The following B3GALT1 variants were observed in gnomAD, a reference collection of about 807,000 sequenced individuals.
B3GALT1 encodes beta-1,3-galactosyltransferase 1, also known as UDP-Gal:betaGlcNAc beta 1,3-galactosyltransferase, polypeptide 1.
In B3GALT1, 10 loss-of-function variants were observed where a neutral mutation model predicts 23.2. The ratio of observed to expected loss-of-function variants is 0.43; its 90% CI spans 0.27 to 0.73. The LOEUF (loss-of-function observed/expected upper bound fraction) is 0.73. Among genes scored for constraint, B3GALT1 ranks in the 30% least tolerant of loss-of-function variants. B3GALT1 has a pLI of 0.21. For missense variants in B3GALT1, 299 were observed against 405.4 expected (o/e 0.74, Z 2.25); for synonymous variants, 156 against 141.5 (o/e 1.10, Z -0.73).
chr2:167,747,115 T>A (rs948888918), intron 3 of B3GALT1, among the ~76,000 whole-genome samples: 6 of 152,186 alleles, frequency 3.9e-5, no homozygotes, highest in African/African-American at 1.4e-4. Context: ...CTTTTGCCAC[T>A]GTCAGTGTTT....
intron 2 of B3GALT1, among the ~76,000 whole-genome samples, chr2:167,543,626 AG>A (rs1333418821): frequency 3.9e-5 from 6 of 152,258 alleles, no homozygotes; most frequent in African/African-American, 1.4e-4. Flanking sequence ...TTTACATTAT[AG>A]AATAGTATGT....
chr2:167,661,597 C>A (rs529737060), intron 3 of B3GALT1, among the ~76,000 whole-genome samples: 1 of 152,072 alleles, frequency 6.6e-6, no homozygotes, highest in South Asian at 2.1e-4. Context: ...CCAGAAGCAC[C>A]CATCTCCACA....
At chr2:167,840,009 A>G in intron 4 of B3GALT1, among the ~76,000 whole-genome samples, 1 of 152,146 alleles carries the variant, frequency 6.6e-6, no homozygotes, top group East Asian at 1.9e-4. Flanking sequence ...CCTTCCTTAC[A>G]CCTTATACAA....
chr2:167,348,763 T>A (rs1339134453), intron 1 of B3GALT1, among the ~76,000 whole-genome samples: 1 of 152,198 alleles, frequency 6.6e-6, no homozygotes, highest in Non-Finnish European at 1.5e-5. Flanking sequence ...TCTCCCAGAT[T>A]ACCTCAGTTA....
chr2:167,401,905 T>A (rs750908924), intron 1 of B3GALT1, among the ~76,000 whole-genome samples: 4 of 152,196 alleles, frequency 2.6e-5, no homozygotes, highest in Non-Finnish European at 4.4e-5. Flanking sequence ...GAAGATTATT[T>A]AGGCTTGAAT....
At chr2:167,793,839 C>A (rs1688491586) in intron 3 of B3GALT1, among the ~76,000 whole-genome samples, 1 of 152,192 alleles carries the variant, frequency 6.6e-6, no homozygotes, top group Non-Finnish European at 1.5e-5. Flanking sequence ...AGGCCATAGA[C>A]TGTGTCTCTC....
intron 1 of B3GALT1, among the ~76,000 whole-genome samples, chr2:167,477,064 T>A (rs567185117): frequency 6.6e-6 from 1 of 152,326 alleles, no homozygotes; most frequent in Admixed American, 6.5e-5. Flanking sequence ...TCCTAATGCG[T>A]AACTCAAAAT....
intron 1 of B3GALT1, among the ~76,000 whole-genome samples, chr2:167,424,091 C>T (rs577772948): frequency 2.6e-5 from 4 of 152,154 alleles, no homozygotes; most frequent in Non-Finnish European, 4.4e-5. Context: ...GCAGATTCAA[C>T]GTCTCTAATC....
intron 1 of B3GALT1, among the ~76,000 whole-genome samples, chr2:167,346,775 T>C (rs376717064): frequency 5.9e-5 from 9 of 151,492 alleles, no homozygotes; most frequent in African/African-American, 1.9e-4. Context: ...TGTGTGTGTG[T>C]GCGTGTGTGT....
intron 3 of B3GALT1, among the ~76,000 whole-genome samples, chr2:167,672,998 G>A (rs1189321484): frequency 1.3e-5 from 2 of 150,644 alleles, no homozygotes; most frequent in South Asian, 2.1e-4. Context: ...GTGTGGGAGG[G>A]GGGTATCTGG....
intron 2 of B3GALT1, among the ~76,000 whole-genome samples, chr2:167,514,059 A>G (rs1451822554): frequency 6.6e-6 from 1 of 151,778 alleles, no homozygotes; most frequent in African/African-American, 2.4e-5. Context: ...GGCGCCCACC[A>G]CCACGCCCAG....
chr2:167,451,902 A>G (rs1474092646), intron 1 of B3GALT1, among the ~76,000 whole-genome samples: 3 of 151,904 alleles, frequency 2.0e-5, no homozygotes, highest in Non-Finnish European at 2.9e-5. Context: ...AGGCCAATGG[A>G]GTTAATGTTT....
At chr2:167,342,864 A>G (rs925048839) in intron 1 of B3GALT1, among the ~76,000 whole-genome samples, 4 of 152,130 alleles carry the variant, frequency 2.6e-5, no homozygotes, top group Admixed American at 6.5e-5. Context: ...GTTTACTGAT[A>G]TCTTTTATTC....
At chr2:167,381,230 G>C (rs978284255) in intron 1 of B3GALT1, among the ~76,000 whole-genome samples, 1 of 151,996 alleles carries the variant, frequency 6.6e-6, no homozygotes, top group Non-Finnish European at 1.5e-5. Context: ...ACCATGCCTG[G>C]CTAATTTTTT....
At chr2:167,582,130 T>C (rs1238697) in intron 2 of B3GALT1, among the ~76,000 whole-genome samples, 94,808 of 148,982 alleles carry the variant, frequency 0.64, 33,040 homozygotes, top group Non-Finnish European at 0.8. Context: ...ATTATCTCAT[T>C]AGTGATTAAA....
chr2:167,548,685 AGTGTGTGTGTGTGTGTGTGT>A (rs71031297), intron 2 of B3GALT1, among the ~76,000 whole-genome samples: 1 of 144,706 alleles, frequency 6.9e-6, no homozygotes, highest in Non-Finnish European at 1.5e-5. Context: ...CGTGTGTGTG[AGTGTGTGTGTGTGTGTGTGT>A]GTGTGTGTGT....
At chr2:167,796,897 T>G (rs1185488078) in intron 3 of B3GALT1, among the ~76,000 whole-genome samples, 1 of 152,192 alleles carries the variant, frequency 6.6e-6, no homozygotes, top group Non-Finnish European at 1.5e-5. Flanking sequence ...AATTAAAGAT[T>G]TTTCTCCAGT....
intron 4 of B3GALT1, among the ~76,000 whole-genome samples, chr2:167,825,747 C>T (rs1045305201): frequency 6.6e-6 from 1 of 152,174 alleles, no homozygotes; most frequent in Non-Finnish European, 1.5e-5. Context: ...ATCTGCCCCT[C>T]TGACTTTGTC....
In B3GALT1 at chr2:167,872,310, G is replaced by A. The variant is rs1003804969; in HGVS notation, c.*2290G>A. 3 of 152,118 alleles carry A rather than the reference G, an allele frequency of 2.0e-5. No homozygotes were observed. The highest frequency in any genetic ancestry group is 2.9e-5 in the Non-Finnish European group (2 of 68,064). The allele number at this position is 152,118 out of a possible 1,614,324, so 9.4% of individuals were successfully genotyped here. Reference sequence around the variant, plus strand: ...GTCATGGCTTGTTTCTGCAAAACACGATCTCTCATCCCCCACCCGAAAGGA... The same window carrying A: ...GTCATGGCTTGTTTCTGCAAAACACAATCTCTCATCCCCCACCCGAAAGGA... On this transcript the variant is annotated 3_prime_UTR_variant, in exon 5 of 5. Transcript: ENST00000392690.
Sources: gnomAD v4.1 joint callset for allele counts (sites outside exome capture counted in the v4.1 genomes callset) on GRCh38, gnomAD v4.1.1 for gene constraint, MANE v1.5 for transcripts, NCBI Gene and HGNC (gene_info 2026-07-23, HGNC 2026-07-21) for gene names.